The following UBE2E2 variants were observed in gnomAD, a reference collection of about 807,000 sequenced individuals.
The protein encoded by UBE2E2 is ubiquitin-conjugating enzyme E2 E2.
In UBE2E2, 6 loss-of-function variants were observed where a neutral mutation model predicts 24.7. The ratio of observed to expected loss-of-function variants is 0.24; its 90% CI spans 0.13 to 0.48. The LOEUF (loss-of-function observed/expected upper bound fraction) is 0.48. Ranked by LOEUF, UBE2E2 falls within the 20% of genes least tolerant of loss-of-function variation. The probability of loss-of-function intolerance (pLI) is 0.99; values close to 1 mark genes in which losing one functional copy is unlikely to be tolerated. For synonymous variants in UBE2E2, 104 were observed against 83.6 expected, an observed-to-expected ratio of 1.24 and a Z score of -1.33; for missense variants, 169 against 245.0, an observed-to-expected ratio of 0.69 and a Z score of 2.07.
At chr3:23,312,757 C>G (rs1309820365) in intron 3 of UBE2E2, among the ~76,000 whole-genome samples, 2 of 152,070 alleles carry the variant, frequency 1.3e-5, no homozygotes, top group Non-Finnish European at 2.9e-5. Flanking sequence ...AAGTACTGCT[C>G]TTTCTGTATC....
intron 3 of UBE2E2, among the ~76,000 whole-genome samples, chr3:23,289,363 CAAT>C (rs1278645958): frequency 1.3e-5 from 2 of 152,212 alleles, no homozygotes; most frequent in African/African-American, 2.4e-5. Context: ...AGAAAACCAA[CAAT>C]GATACCAGCT....
rs1033923921 is a variant in UBE2E2, at chr3:23,578,027, G to A, written c.509-11707G>A. ...CCTCTCAGAAAAAAAAAAAAAAAAA[G>A]ATTCTTTTCAAAATACTAGTACTCA... On this transcript the variant is annotated intron_variant, in intron 5 of 5. Coordinates refer to ENST00000396703, the MANE Select transcript of UBE2E2 (RefSeq NM_152653.4). 4.8e-3 allele frequency among the ~76,000 whole-genome samples: 591 copies of A among 124,178 alleles called. 2 individuals carry two copies. Among genetic ancestry groups the A allele is most frequent in the African/African-American group, 0.016 (520 of 31,590 alleles). The allele number at this position is 124,178 out of a possible 152,430, so 81.5% of individuals were successfully genotyped here.
chr3:23,427,294 A>G (rs1697949093), intron 3 of UBE2E2, among the ~76,000 whole-genome samples: 1 of 151,184 alleles, frequency 6.6e-6, no homozygotes, highest in South Asian at 2.1e-4. Flanking sequence ...GCCAGGTGTC[A>G]TTGTATGTGC....
At chr3:23,420,439 A>G (rs1235312773) in intron 3 of UBE2E2, among the ~76,000 whole-genome samples, 1 of 152,232 alleles carries the variant, frequency 6.6e-6, no homozygotes, top group African/African-American at 2.4e-5. Flanking sequence ...GCAGTTTCAT[A>G]GTTTGAATGA....
intron 3 of UBE2E2, among the ~76,000 whole-genome samples, chr3:23,321,912 A>G (rs1559346957): frequency 6.6e-6 from 1 of 151,926 alleles, no homozygotes; most frequent in Non-Finnish European, 1.5e-5. Flanking sequence ...GATGACATAT[A>G]ATTCATCAGG....
intron 3 of UBE2E2, among the ~76,000 whole-genome samples, chr3:23,423,140 G>A (rs1181809208): frequency 6.6e-6 from 1 of 152,204 alleles, no homozygotes; most frequent in Non-Finnish European, 1.5e-5. Flanking sequence ...TGCATGTTAA[G>A]CAGTCACAAA....
rs147694268 is a variant in UBE2E2 at position 23,344,367 on chromosome 3, C to T, written c.227+127055C>T. 5.7e-3 allele frequency among the ~76,000 whole-genome samples: 864 copies of T among 152,150 alleles called. 9 individuals are homozygous for T. The highest frequency in any genetic ancestry group is 0.02 in the African/African-American group (834 of 41,520). On this transcript the variant is annotated intron_variant, in intron 3 of 5. Transcript: ENST00000396703. The stretch of plus-strand genomic sequence containing the variant: ...GTCACATATTGGGCAACCGAAGGCT[C>T]ATGTGAAAAAGCCTTAGAGCCACAA...
At chr3:23,565,539 A>T (rs975984249) in intron 5 of UBE2E2, among the ~76,000 whole-genome samples, 2 of 140,982 alleles carry the variant, frequency 1.4e-5, no homozygotes, top group African/African-American at 5.4e-5. Flanking sequence ...TACAGAGGCC[A>T]GTGCAACAGG....
chr3:23,343,066 T>TTG (rs1423106875), intron 3 of UBE2E2, among the ~76,000 whole-genome samples: 1 of 150,938 alleles, frequency 6.6e-6, no homozygotes, highest in African/African-American at 2.4e-5. Flanking sequence ...GGTCTTTAAC[T>TTG]GCTATTTTAT....
chr3:23,375,213 A>G (rs981463608), intron 3 of UBE2E2, among the ~76,000 whole-genome samples: 3 of 152,192 alleles, frequency 2.0e-5, no homozygotes, highest in African/African-American at 7.2e-5. Flanking sequence ...TACTCTCCTG[A>G]CATTGTGTAC....
chr3:23,420,512 T>C (rs1050111326), intron 3 of UBE2E2, among the ~76,000 whole-genome samples: 1 of 152,204 alleles, frequency 6.6e-6, no homozygotes, highest in Non-Finnish European at 1.5e-5. Context: ...TTGGAAGCAA[T>C]AGAGAATAAG....
intron 3 of UBE2E2, among the ~76,000 whole-genome samples, chr3:23,417,145 A>G (rs1697658779): frequency 6.6e-6 from 1 of 152,108 alleles, no homozygotes; most frequent in Non-Finnish European, 1.5e-5. Context: ...GGTTTTTGGA[A>G]TTCTCAGCCT....
intron 3 of UBE2E2, among the ~76,000 whole-genome samples, chr3:23,498,727 G>T (rs1477053210): frequency 6.6e-6 from 1 of 152,108 alleles, no homozygotes; most frequent in Non-Finnish European, 1.5e-5. Flanking sequence ...AGTGATGCAT[G>T]CCTGTAAACC....
intron 4 of UBE2E2, among the ~76,000 whole-genome samples, chr3:23,528,646 C>T (rs777058809): frequency 3.3e-5 from 5 of 152,184 alleles, no homozygotes; most frequent in Non-Finnish European, 5.9e-5. Flanking sequence ...GGTGTGCACG[C>T]GTGAACCCGA....
intron 3 of UBE2E2, among the ~76,000 whole-genome samples, chr3:23,325,617 A>G (rs745709191): frequency 1.3e-5 from 2 of 152,226 alleles, no homozygotes; most frequent in Non-Finnish European, 1.5e-5. Flanking sequence ...ACTAGTCAGA[A>G]TGTTTACACT....
At chr3:23,549,958 A>G (rs925085282) in intron 5 of UBE2E2, among the ~76,000 whole-genome samples, 1 of 151,292 alleles carries the variant, frequency 6.6e-6, no homozygotes, top group Non-Finnish European at 1.5e-5. Context: ...GCTTAAACCT[A>G]GGAGGCGCAG....
At chr3:23,568,591 A>G (rs952570220) in intron 5 of UBE2E2, among the ~76,000 whole-genome samples, 4 of 107,846 alleles carry the variant, frequency 3.7e-5, no homozygotes, top group African/African-American at 1.4e-4. Flanking sequence ...ATAATTATAT[A>G]CATATATATG....
intron 5 of UBE2E2, among the ~76,000 whole-genome samples, chr3:23,535,184 A>G (rs1169959567): frequency 6.6e-6 from 1 of 152,208 alleles, no homozygotes; most frequent in African/African-American, 2.4e-5. Flanking sequence ...TTGATATAAA[A>G]TTGGGATTAG....
At chr3:23,217,141 G>A (rs1696497750) in intron 2 of UBE2E2, 121 bp from the exon 3 acceptor site, 6 of 912,802 alleles carry the variant, frequency 6.6e-6, no homozygotes, top group Admixed American at 4.5e-5. Context: ...TCTTTATACA[G>A]TATTAGTATT....
Sources: gnomAD v4.1 joint callset for allele counts (sites outside exome capture counted in the v4.1 genomes callset) on GRCh38, gnomAD v4.1.1 for gene constraint, MANE v1.5 for transcripts, NCBI Gene and HGNC (gene_info 2026-07-23, HGNC 2026-07-21) for gene names.